ITGAM: variants seen among roughly 807,000 people sequenced by gnomAD.
ITGAM encodes integrin subunit alpha M.
A neutral mutation model predicts 137.5 loss-of-function variants in ITGAM; 79 were observed. The observed-to-expected ratio is 0.57, with a 90% confidence interval of 0.48 to 0.69. The LOEUF is 0.69. ITGAM is among the 30% of genes least tolerant of loss of function. ITGAM has a pLI of 0.00. For synonymous variants in ITGAM, 583 were observed against 592.3 expected, an observed-to-expected ratio of 0.98 and a Z score of 0.23; for missense variants, 1,343 against 1,483.5, an observed-to-expected ratio of 0.91 and a Z score of 1.56.
intron 14 of ITGAM, among the ~76,000 whole-genome samples, chr16:31,304,238 T>C (rs1267193613): frequency 1.3e-5 from 2 of 152,212 alleles, no homozygotes; most frequent in Non-Finnish European, 1.5e-5. Flanking sequence ...TTTTTTCATA[T>C]GTTTATCGGC....
intron 8 of ITGAM, 46 bp from the exon 9 acceptor site, chr16:31,275,503 A>G: frequency 6.3e-7 from 1 of 1,592,020 alleles, no homozygotes; most frequent in Non-Finnish European, 8.6e-7. Context: ...GCCAGATGAT[A>G]TTGCTAGCCT....
intron 14 of ITGAM, among the ~76,000 whole-genome samples, chr16:31,304,165 G>A (rs544131122): frequency 1.3e-5 from 2 of 152,250 alleles, no homozygotes; most frequent in African/African-American, 2.4e-5. Flanking sequence ...TCTTGCAGGA[G>A]TAAGGTGGTA....
intron 12 of ITGAM, among the ~76,000 whole-genome samples, chr16:31,284,472 C>T (rs1948005109): frequency 3.1e-5 from 4 of 129,842 alleles, no homozygotes; most frequent in African/African-American, 1.2e-4. Flanking sequence ...AGCTTGATCT[C>T]AAACTGCTGT....
At chr16:31,268,124 C>T (rs2144269498) in intron 5 of ITGAM, among the ~76,000 whole-genome samples, 1 of 152,250 alleles carries the variant, frequency 6.6e-6, no homozygotes, top group East Asian at 1.9e-4. Context: ...TCCTCACCCT[C>T]ACCACCCAAG....
chr16:31,313,183 A>C (rs112156870), intron 14 of ITGAM, among the ~76,000 whole-genome samples: 1 of 152,124 alleles, frequency 6.6e-6, no homozygotes, highest in South Asian at 2.1e-4. Context: ...GCACCACTGC[A>C]CGCCAGCCTG....
intron 12 of ITGAM, among the ~76,000 whole-genome samples, chr16:31,287,848 G>A (rs529304388): frequency 8.5e-4 from 130 of 152,188 alleles, no homozygotes; most frequent in African/African-American, 2.9e-3. Context: ...AAGTGTAGAG[G>A]AATTACGGGA....
In ITGAM at chr16:31,318,270, A is replaced by G. The variant is rs554554830; in HGVS notation, c.1708-2971A>G. On this transcript the variant is annotated intron_variant, in intron 14 of 29. Coordinates refer to ENST00000544665, the MANE Select transcript of ITGAM (RefSeq NM_000632.4). ...TATGGCATCAGTTGTATGTTCTTTC[A>G]TTTATAATTTTACTTATCTGTTGTT... Among the ~76,000 whole-genome samples the G allele has an allele frequency of 2.7e-5, 4 of 150,714 alleles. No individual in the cohort carries two copies. In the South Asian group the frequency reaches 8.4e-4, roughly 32 times the overall value.
intron 12 of ITGAM, among the ~76,000 whole-genome samples, chr16:31,281,494 A>G (rs1235221707): frequency 6.6e-6 from 1 of 152,012 alleles, no homozygotes; most frequent in Non-Finnish European, 1.5e-5. Context: ...TAGATTTTCT[A>G]GTTTATTTGT....
chr16:31,330,098 C>T lies in ITGAM; in HGVS notation c.2994C>T (p.Cys998=). The part of the protein sequence containing the change: ...VTFSENLSST[C]HTKERLPSHS... The stretch of plus-strand genomic sequence containing the variant: ...TTCCTCAGAACCTCTCGAGTACGTG[C>T]CACACCAAGGAGCGCTTGCCCTCTC... Residue 998 remains cysteine (C), a synonymous_variant, in exon 26 of 30, where the codon TGC becomes TGT. Transcript: ENST00000544665. 6.2e-7 allele frequency: 1 copy of T among 1,613,762 alleles called. No individual in the cohort carries two copies. The highest frequency in any genetic ancestry group is 8.5e-7 in the Non-Finnish European group (1 of 1,179,776).
chr16:31,277,385 T>C (rs2079919910), intron 11 of ITGAM, among the ~76,000 whole-genome samples: 1 of 148,820 alleles, frequency 6.7e-6, no homozygotes. Context: ...CGAAATGGGG[T>C]TTCGCTCTTG....
At chr16:31,312,472 G>C (rs1040643465) in intron 14 of ITGAM, among the ~76,000 whole-genome samples, 1 of 152,026 alleles carries the variant, frequency 6.6e-6, no homozygotes, top group Non-Finnish European at 1.5e-5. Context: ...TGTCATGCAG[G>C]CTGGAGTGAA....
chr16:31,289,685 A>G (rs977480263), intron 12 of ITGAM, among the ~76,000 whole-genome samples: 100 of 152,302 alleles, frequency 6.6e-4, no homozygotes, highest in Non-Finnish European at 1.2e-3. Context: ...CAGCACACCA[A>G]CATGACACAT....
intron 12 of ITGAM, among the ~76,000 whole-genome samples, chr16:31,289,457 G>T (rs1162878501): frequency 1.3e-5 from 2 of 152,128 alleles, no homozygotes; most frequent in Admixed American, 6.6e-5. Context: ...CTTTTGTAGG[G>T]ACATGGATGA....
intron 1 of ITGAM, among the ~76,000 whole-genome samples, chr16:31,260,870 C>A (rs2079691085): frequency 6.6e-6 from 1 of 152,318 alleles, no homozygotes; most frequent in Middle Eastern, 3.4e-3. Context: ...TGATAGGGAG[C>A]ACCACCCCCA....
At position 31,325,150 on chromosome 16, in the gene ITGAM, G is replaced by A. The variant is rs1472184912; in HGVS notation, c.2364-113G>A. ...CTGGGCTATAAGGTCCGGTGTGGCT[G>A]CCCCTCCACTGTTGTCTCTTCATCA... On this transcript the variant is annotated intron_variant, in intron 19 of 29. Transcript: ENST00000544665. 9.5e-6 allele frequency: 14 copies of A among 1,468,776 alleles called. No homozygotes were observed. In the Middle Eastern group the frequency reaches 6.0e-4, roughly 63 times the overall value. The allele number at this position is 1,468,776 out of a possible 1,614,324, so 91.0% of individuals were successfully genotyped here.
At position 31,331,813 on chromosome 16, in the gene ITGAM, C is replaced by A. The variant is rs1409401774; in HGVS notation, c.*106C>A. 7.0e-6 allele frequency: 6 copies of A among 858,332 alleles called. No homozygotes were observed. Among genetic ancestry groups the A allele is most frequent in the Non-Finnish European group, 9.0e-6 (5 of 552,488 alleles). The allele number at this position is 858,332 out of a possible 1,614,324, so 53.2% of individuals were successfully genotyped here. ...ACGTCGGACAGCGAAGTATCCCCGA[C>A]AGGACGGGCTTGGGCTTCCATTTGT... On this transcript the variant is annotated 3_prime_UTR_variant, in exon 30 of 30. Transcript: ENST00000544665.
rs751954889 is a variant in ITGAM, at chr16:31,326,924, C to T, written c.2697C>T (p.Ala899=). Residue 899 remains alanine, a synonymous_variant, in exon 22 of 30, where the codon GCC becomes GCT. Coordinates refer to ENST00000544665, the MANE Select transcript of ITGAM (RefSeq NM_000632.4). Reference sequence around the variant, plus strand: ...TTGGAAACAAACTGCTCCTCAAGGCCAATGTGACCAGGTGCTCTCTGCTAC... The same window carrying T: ...TTGGAAACAAACTGCTCCTCAAGGCTAATGTGACCAGGTGCTCTCTGCTAC... ...ASLGNKLLLK[A]NVTSENNMPR... is the part of the protein sequence containing the mutation. 6.2e-7 allele frequency: 1 copy of T among 1,611,766 alleles called. No individual in the cohort carries two copies. Among genetic ancestry groups the T allele is most frequent in the African/African-American group, 1.3e-5 (1 of 74,886 alleles).
rs781377496 is a variant in ITGAM at position 31,275,668 on chromosome 16, C to G, written c.978C>G (p.Asn326Lys). The G allele has an allele frequency of 4.3e-6, 7 of 1,613,886 alleles. No homozygotes were observed. In the East Asian group the frequency reaches 1.3e-4, roughly 31 times the overall value. ...NNFEALKTIQ[N>K]QLREKIFAIE... is the part of the protein sequence containing the mutation. ...TTGAGGCTCTGAAGACCATTCAGAA[C>G]CAGCTTCGGGAGAAGATCTTTGCGA... The change falls in exon 9 of 30, where the codon AAC (asparagine) becomes AAG (lysine). Residue 326 changes from asparagine (N) to lysine (K), a missense_variant. Physicochemically the swap from Asn to Lys is moderately conservative, Grantham distance 94. Coordinates refer to ENST00000544665, the MANE Select transcript of ITGAM (RefSeq NM_000632.4).
chr16:31,323,507 A>G (rs2080472159), intron 16 of ITGAM, among the ~76,000 whole-genome samples: 1 of 152,176 alleles, frequency 6.6e-6, no homozygotes, highest in African/African-American at 2.4e-5. Flanking sequence ...AATATGAAGG[A>G]CATTATATCA....
Sources: allele counts gnomAD v4.1 joint callset (sites outside exome capture counted in the v4.1 genomes callset), GRCh38; gene constraint gnomAD v4.1.1; transcripts MANE v1.5; gene names NCBI Gene and HGNC (gene_info 2026-07-23, HGNC 2026-07-21).